The following CAV1 variants were observed in gnomAD, a reference collection of about 807,000 sequenced individuals.
The protein encoded by CAV1 is caveolin 1.
In CAV1, 10 loss-of-function variants were observed where a neutral mutation model predicts 16.5. The observed-to-expected ratio is 0.61, with a 90% confidence interval of 0.37 to 1.03. CAV1 has a LOEUF of 1.03. CAV1 is among the 50% of genes least tolerant of loss of function. CAV1 has a pLI of 0.01. For missense variants in CAV1, 212 were observed against 232.8 expected, an observed-to-expected ratio of 0.91 and a Z score of 0.58; for synonymous variants, 76 against 85.1, an observed-to-expected ratio of 0.89 and a Z score of 0.59.
intron 2 of CAV1, among the ~76,000 whole-genome samples, chr7:116,547,307 G>C (rs1314753845): frequency 6.6e-6 from 1 of 152,066 alleles, no homozygotes; most frequent in Non-Finnish European, 1.5e-5. Context: ...GAAAGATTTA[G>C]CTTAATTTTT....
intron 2 of CAV1, among the ~76,000 whole-genome samples, chr7:116,534,520 C>A (rs1387673582): frequency 6.8e-6 from 1 of 147,122 alleles, no homozygotes; most frequent in Non-Finnish European, 1.5e-5. Flanking sequence ...CTGCCTCAGC[C>A]TCCCAAGTAG....
At chr7:116,530,741 G>C (rs1204735150) in intron 2 of CAV1, among the ~76,000 whole-genome samples, 1 of 151,954 alleles carries the variant, frequency 6.6e-6, no homozygotes, top group Non-Finnish European at 1.5e-5. Flanking sequence ...AGAGTGGTAG[G>C]TGATAAAGGT....
intron 2 of CAV1, among the ~76,000 whole-genome samples, chr7:116,544,768 C>T (rs374632286): frequency 4.6e-5 from 7 of 152,202 alleles, no homozygotes; most frequent in Middle Eastern, 3.4e-3. Flanking sequence ...GAGGCAAGTA[C>T]GAAAATGACT....
chr7:116,548,375 C>T (rs1794095409), intron 2 of CAV1, among the ~76,000 whole-genome samples: 1 of 152,180 alleles, frequency 6.6e-6, no homozygotes, highest in Admixed American at 6.5e-5. Flanking sequence ...CAGTCAAATG[C>T]CCAGGGGCCC....
chr7:116,526,161 G>A (rs1224381422), intron 1 of CAV1: 2 of 495,104 alleles, frequency 4.0e-6, no homozygotes, highest in Non-Finnish European at 5.3e-6. Context: ...CTGCCCCCTC[G>A]CCGCCGAGGT....
At chr7:116,546,697 C>CAAAAAAGAAAAAAAAA (rs1794054830) in intron 2 of CAV1, among the ~76,000 whole-genome samples, 1 of 88,386 alleles carries the variant, frequency 1.1e-5, no homozygotes, top group African/African-American at 4.4e-5. Context: ...GACTCTGTCA[C>CAAAAAAGAAAAAAAAA]AAAAAAAAAA....
At chr7:116,551,670 G>A (rs1367358164) in intron 2 of CAV1, among the ~76,000 whole-genome samples, 1 of 152,098 alleles carries the variant, frequency 6.6e-6, no homozygotes, top group Admixed American at 6.5e-5. Context: ...AAATTGAGTC[G>A]CTTAGAACAA....
chr7:116,557,857 C>G (rs1167774681), intron 2 of CAV1, among the ~76,000 whole-genome samples: 1 of 152,110 alleles, frequency 6.6e-6, no homozygotes, highest in Non-Finnish European at 1.5e-5. Context: ...ACTACTGCAT[C>G]GATTGTGGCT....
At chr7:116,534,381 ATATATATATATATATTTTTTTT>A (rs1562829941) in intron 2 of CAV1, among the ~76,000 whole-genome samples, 1 of 11,508 alleles carries the variant, frequency 8.7e-5, no homozygotes. Context: ...ATATATATAT[ATATATATATATATATTTTTTTT>A]TTTTTTTTTT....
chr7:116,554,896 G>A (rs1429420911), intron 2 of CAV1, among the ~76,000 whole-genome samples: 1 of 152,082 alleles, frequency 6.6e-6, no homozygotes, highest in Non-Finnish European at 1.5e-5. Flanking sequence ...GAATACAAAG[G>A]CAAAAATGCG....
chr7:116,541,581 T>G (rs905914197), intron 2 of CAV1, among the ~76,000 whole-genome samples: 3 of 151,966 alleles, frequency 2.0e-5, no homozygotes, highest in Non-Finnish European at 2.9e-5. Flanking sequence ...TGAAACCTCA[T>G]GTCTACAAAA....
At chr7:116,525,429 TC>T in intron 1 of CAV1, 3 of 1,422,596 alleles carry the variant, frequency 2.1e-6, no homozygotes, top group Non-Finnish European at 2.8e-6. Flanking sequence ...ACCCCCGCGG[TC>T]CGGCCCTGCC....
rs1332645545 is a variant in CAV1 at position 116,559,747 on chromosome 7, C to G, written c.*460C>G. 1.4e-5 allele frequency: 6 copies of G among 434,860 alleles called. No individual in the cohort carries two copies. In the South Asian group the frequency reaches 2.4e-4, roughly 18 times the overall value. 26.9% of individuals were successfully genotyped at this position (434,860 alleles called of 1,614,324 possible). ...TATGTGGGCAGATTTTCAGCAAACT[C>G]TTTTCCCACTGTTTAAGGAGTTAGT... On this transcript the variant is annotated 3_prime_UTR_variant, in exon 3 of 3. Coordinates refer to ENST00000341049, the MANE Select transcript of CAV1 (RefSeq NM_001753.5).
chr7:116,534,384 TA>T lies in CAV1; in HGVS notation c.195+7696del, dbSNP rs1562829976. ...TCAGATATATATATATATATATATATATATATATATATTTTTTTTTTTTTTT... is the reference window on the plus strand; with the variant it reads ...TCAGATATATATATATATATATATATTATATATATATTTTTTTTTTTTTTT... On this transcript the variant is annotated intron_variant, in intron 2 of 2. Coordinates refer to ENST00000341049, the MANE Select transcript of CAV1 (RefSeq NM_001753.5). Among the ~76,000 whole-genome samples the T allele has an allele frequency of 5.1e-3, 69 of 13,524 alleles. 1 individual carries two copies. In the East Asian group the frequency reaches 0.058, roughly 11 times the overall value. 8.9% of individuals were successfully genotyped at this position (13,524 alleles called of 152,430 possible).
chr7:116,548,035 C>A (rs1050175841), intron 2 of CAV1, among the ~76,000 whole-genome samples: 5 of 152,172 alleles, frequency 3.3e-5, no homozygotes, highest in African/African-American at 1.2e-4. Context: ...TCACTCACAT[C>A]TGATTGTCAC....
chr7:116,534,395 A>T (rs28640050), intron 2 of CAV1, among the ~76,000 whole-genome samples: 736 of 7,280 alleles, frequency 0.1, 58 homozygotes, highest in African/African-American at 0.19. Flanking sequence ...ATATATATAT[A>T]TTTTTTTTTT....
chr7:116,531,582 AT>A (rs1206396299), intron 2 of CAV1, among the ~76,000 whole-genome samples: 1 of 152,172 alleles, frequency 6.6e-6, no homozygotes, highest in East Asian at 1.9e-4. Flanking sequence ...AAAGCATAAG[AT>A]TTATTTTTAT....
intron 2 of CAV1, among the ~76,000 whole-genome samples, chr7:116,528,776 T>C (rs1793625246): frequency 6.6e-6 from 1 of 152,092 alleles, no homozygotes; most frequent in Admixed American, 6.5e-5. Context: ...ATAATAAATT[T>C]CCCTAAATTT....
intron 2 of CAV1, among the ~76,000 whole-genome samples, chr7:116,549,876 C>G (rs2116059286): frequency 6.6e-6 from 1 of 152,238 alleles, no homozygotes; most frequent in East Asian, 1.9e-4. Flanking sequence ...AAGTCCTGGT[C>G]TTGATGTAGT....
Sources: gnomAD v4.1 joint callset for allele counts (sites outside exome capture counted in the v4.1 genomes callset) on GRCh38, gnomAD v4.1.1 for gene constraint, MANE v1.5 for transcripts, NCBI Gene and HGNC (gene_info 2026-07-23, HGNC 2026-07-21) for gene names.